Variants in CDK7 observed in about 807,000 individuals in gnomAD.
CDK7 encodes cyclin dependent kinase 7.
Under a neutral mutation model 49.1 loss-of-function variants are expected in CDK7, and 25 were observed. The observed-to-expected ratio is 0.51, with a 90% CI of 0.37 to 0.71. The LOEUF (loss-of-function observed/expected upper bound fraction) is 0.71. Among genes scored for constraint, CDK7 ranks in the 30% least tolerant of loss-of-function variants. The pLI is 0.00. For missense variants in CDK7, 316 were observed against 411.7 expected, an observed-to-expected ratio of 0.77 and a Z score of 2.01; for synonymous variants, 107 against 140.0, an observed-to-expected ratio of 0.76 and a Z score of 1.67.
At chr5:69,248,546 G>A (rs1391587516) in intron 2 of CDK7, among the ~76,000 whole-genome samples, 7 of 151,642 alleles carry the variant, frequency 4.6e-5, no homozygotes, top group African/African-American at 1.7e-4. Flanking sequence ...GTGCCACCAC[G>A]CCCAGCTAAT....
Position 69,265,785 on chromosome 5 carries a change from G to T in CDK7, c.628-3422G>T, listed in dbSNP as rs375654558. ...ATTAGCCGGGCATGGTATTGAGTGC[G>T]TGTTTTCCCAGCTACTCAGGAGGCT... is the stretch of plus-strand genomic sequence containing the variant. On this transcript the variant is annotated intron_variant, in intron 8 of 11. Transcript: ENST00000256443. Among the ~76,000 whole-genome samples the T allele has an allele frequency of 3.3e-5, 5 of 152,090 alleles. No individual in the cohort carries two copies. The South Asian group carries it at 1.0e-3, about 32-fold the overall frequency.
At chr5:69,240,797 T>C (rs973381200) in intron 2 of CDK7, among the ~76,000 whole-genome samples, 1 of 151,994 alleles carries the variant, frequency 6.6e-6, no homozygotes, top group African/African-American at 2.4e-5. Flanking sequence ...CCAGCTAATT[T>C]TTTGTATTTT....
chr5:69,241,650 T>G (rs1749396850), intron 2 of CDK7, among the ~76,000 whole-genome samples: 1 of 152,278 alleles, frequency 6.6e-6, no homozygotes, highest in South Asian at 2.1e-4. Context: ...TTTGCATTTT[T>G]CTGATGCTCA....
chr5:69,237,920 G>GT (rs1388452617), intron 2 of CDK7, among the ~76,000 whole-genome samples: 11 of 152,262 alleles, frequency 7.2e-5, no homozygotes, highest in African/African-American at 2.4e-4. Context: ...TTCTTGAGGT[G>GT]TTTTTTCTCC....
intron 9 of CDK7, 75 bp from the exon 10 acceptor site, chr5:69,272,817 C>T: frequency 1.1e-6 from 1 of 913,804 alleles, no homozygotes; most frequent in Admixed American, 2.9e-5. Flanking sequence ...ATCATATCAC[C>T]TGAAAATGAT....
At chr5:69,244,982 T>C (rs1213264633) in intron 2 of CDK7, among the ~76,000 whole-genome samples, 3 of 152,194 alleles carry the variant, frequency 2.0e-5, no homozygotes, top group African/African-American at 7.2e-5. Flanking sequence ...ACATATCACG[T>C]TGATTGATTA....
intron 2 of CDK7, among the ~76,000 whole-genome samples, chr5:69,237,160 G>T (rs1182063841): frequency 1.3e-5 from 2 of 151,748 alleles, no homozygotes; most frequent in Non-Finnish European, 2.9e-5. Context: ...GAGTGCAGTG[G>T]CACAGCCATA....
chr5:69,240,749 T>C (rs1561344618), intron 2 of CDK7, among the ~76,000 whole-genome samples: 1 of 152,114 alleles, frequency 6.6e-6, no homozygotes, highest in Non-Finnish European at 1.5e-5. Context: ...TGCCTCAGCC[T>C]CCCGAGTAGC....
At chr5:69,265,785 G>A (rs375654558) in intron 8 of CDK7, among the ~76,000 whole-genome samples, 24 of 151,972 alleles carry the variant, frequency 1.6e-4, no homozygotes, top group Non-Finnish European at 2.2e-4. Flanking sequence ...TATTGAGTGC[G>A]TGTTTTCCCA....
chr5:69,258,178 T>C (rs2150210143), intron 6 of CDK7, 25 bp downstream of exon 6: 1 of 1,101,240 alleles, frequency 9.1e-7, no homozygotes, highest in Non-Finnish European at 1.3e-6. Flanking sequence ...ATTGCTTCTT[T>C]ATACTAGTCA....
At chr5:69,240,985 A>AT (rs1749332280) in intron 2 of CDK7, among the ~76,000 whole-genome samples, 1 of 152,114 alleles carries the variant, frequency 6.6e-6, no homozygotes, top group Non-Finnish European at 1.5e-5. Flanking sequence ...TTATTCATTC[A>AT]TTTGTTGACA....
At chr5:69,273,989 A>T (rs571025181) in intron 10 of CDK7, among the ~76,000 whole-genome samples, 13 of 151,976 alleles carry the variant, frequency 8.6e-5, no homozygotes, top group African/African-American at 2.7e-4. Context: ...TTTTTAAAAA[A>T]TTTTTCTTTA....
intron 1 of CDK7, 105 bp downstream of exon 1, chr5:69,235,146 C>G (rs1046359233): frequency 8.8e-7 from 1 of 1,134,124 alleles, no homozygotes; most frequent in South Asian, 1.4e-5. Flanking sequence ...CTTGGCTGCT[C>G]GTTCTCGTTG....
chr5:69,254,549 G>GT lies in CDK7; in HGVS notation c.161-52dup. On this transcript the variant is annotated intron_variant, in intron 3 of 11. Transcript: ENST00000256443. ...AAAAAAAAAAAAAAAAGAAGTGTTT[G>GT]TAAGGTTTGAGATTTCAGAATTATT... is the stretch of plus-strand genomic sequence containing the variant. 7 of 754,600 alleles carry GT rather than the reference G, an allele frequency of 9.3e-6. No individual in the cohort carries two copies. In the South Asian group the frequency reaches 1.1e-4, roughly 12 times the overall value. 46.7% of individuals were successfully genotyped at this position (754,600 alleles called of 1,614,324 possible). A position where few individuals can be genotyped will look rare whatever the true frequency, so the allele number is the denominator to read the frequency against.
chr5:69,255,106 T>C (rs1750401907), intron 4 of CDK7, among the ~76,000 whole-genome samples: 1 of 152,022 alleles, frequency 6.6e-6, no homozygotes, highest in Non-Finnish European at 1.5e-5. Flanking sequence ...ATTCATTCAA[T>C]GATAGCTGCT....
rs1216247038 is a variant in CDK7, at chr5:69,235,059, G to A, written c.66+18G>A. 1.3e-6 allele frequency: 2 copies of A among 1,590,996 alleles called. No individual in the cohort carries two copies. The highest frequency in any genetic ancestry group is 1.3e-5 in the African/African-American group (1 of 74,670). ...AGGGACAGGTGAGGCTCTCTGGAAG[G>A]ACGGGGAGGGCCCCAAGCGGACAGC... On this transcript the variant is annotated intron_variant, in intron 1 of 11. Coordinates refer to ENST00000256443, the MANE Select transcript of CDK7 (RefSeq NM_001799.4).
chr5:69,259,537 T>C lies in CDK7; in HGVS notation c.409-281T>C, dbSNP rs2972362. Among the ~76,000 whole-genome samples the C allele has an allele frequency of 0.018, 2,813 of 152,208 alleles. 131 individuals are homozygous for C. The East Asian group carries it at 0.2, about 11-fold the overall frequency. On this transcript the variant is annotated intron_variant, in intron 6 of 11. Transcript: ENST00000256443. ...TTGAGTGCCTACTATGAGCCAGTTATTACACTAGACTACAGAAAATATCAG... is the reference window on the plus strand; with the variant it reads ...TTGAGTGCCTACTATGAGCCAGTTACTACACTAGACTACAGAAAATATCAG...
chr5:69,237,928 TC>T (rs1409418815), intron 2 of CDK7, among the ~76,000 whole-genome samples: 2 of 152,160 alleles, frequency 1.3e-5, no homozygotes, highest in Non-Finnish European at 2.9e-5. Flanking sequence ...GTGTTTTTTC[TC>T]CCCCAGTTTT....
chr5:69,255,576 C>A, intron 5 of CDK7, 48 bp downstream of exon 5: 2 of 1,265,570 alleles, frequency 1.6e-6, no homozygotes, highest in Admixed American at 1.7e-5. Flanking sequence ...GTTTATCAAA[C>A]AAGAACCTAA....
Sources: gnomAD v4.1 joint callset for allele counts (sites outside exome capture counted in the v4.1 genomes callset) on GRCh38, gnomAD v4.1.1 for gene constraint, MANE v1.5 for transcripts, NCBI Gene and HGNC (gene_info 2026-07-23, HGNC 2026-07-21) for gene names.